RBFOX1: variants seen among roughly 807,000 people sequenced by gnomAD.
RBFOX1 encodes RNA binding protein fox-1 homolog 1.
In RBFOX1, 8 loss-of-function variants were observed where a neutral mutation model predicts 57.7. The ratio of observed to expected loss-of-function variants is 0.14; its 90% CI spans 0.08 to 0.25. RBFOX1 has a LOEUF of 0.25. Ranked by LOEUF, RBFOX1 falls within the 10% of genes least tolerant of loss-of-function variation. The pLI is 1.00. For missense variants in RBFOX1, 611 were observed against 548.5 expected, an observed-to-expected ratio of 1.11 and a Z score of -1.14; for synonymous variants, 326 against 222.4, an observed-to-expected ratio of 1.47 and a Z score of -4.15.
chr16:6,619,975 C>T (rs1156433392), intron 2 of RBFOX1, among the ~76,000 whole-genome samples: 4 of 152,120 alleles, frequency 2.6e-5, no homozygotes, highest in Admixed American at 2.0e-4. Context: ...TTTTCTGTTC[C>T]TGCGTTAGTT....
chr16:6,539,016 C>T (rs1334188081), intron 2 of RBFOX1, among the ~76,000 whole-genome samples: 1 of 151,862 alleles, frequency 6.6e-6, no homozygotes, highest in Admixed American at 6.6e-5. Flanking sequence ...TTTTTACTGT[C>T]TCATGTGGAG....
chr16:6,036,878 G>A (rs1453890293), intron 1 of RBFOX1, among the ~76,000 whole-genome samples: 1 of 152,252 alleles, frequency 6.6e-6, no homozygotes, highest in Non-Finnish European at 1.5e-5. Context: ...AAAAGTAAGA[G>A]CCCATCTTTT....
chr16:5,681,211 T>A (rs1480149781), intron 3 of RBFOX1, among the ~76,000 whole-genome samples: 1 of 150,766 alleles, frequency 6.6e-6, no homozygotes, highest in African/African-American at 2.4e-5. Context: ...GTAGCTGGGA[T>A]CACAGGTGCC....
intron 4 of RBFOX1, among the ~76,000 whole-genome samples, chr16:7,053,471 A>G (rs868654805): frequency 2.6e-5 from 4 of 152,234 alleles, no homozygotes; most frequent in Non-Finnish European, 4.4e-5. Flanking sequence ...TGCTGTTTGG[A>G]TGGGGACGAT....
chr16:5,948,768 T>C (rs2059456753), intron 4 of RBFOX1, among the ~76,000 whole-genome samples: 1 of 152,140 alleles, frequency 6.6e-6, no homozygotes, highest in African/African-American at 2.4e-5. Flanking sequence ...TCCAGAAGGG[T>C]GAGAGAATAA....
intron 2 of RBFOX1, among the ~76,000 whole-genome samples, chr16:5,512,446 C>G (rs909468332): frequency 2.1e-5 from 3 of 141,066 alleles, no homozygotes; most frequent in Non-Finnish European, 3.0e-5. Flanking sequence ...CTCTCTCTCT[C>G]TTCTTTCATT....
chr16:6,797,332 G>C (rs760490713), intron 3 of RBFOX1, among the ~76,000 whole-genome samples: 32 of 152,094 alleles, frequency 2.1e-4, no homozygotes, highest in African/African-American at 7.5e-4. Flanking sequence ...AATGAATGTG[G>C]GCAAAGGTGA....
At chr16:6,194,896 A>G (rs1168920509) in intron 1 of RBFOX1, among the ~76,000 whole-genome samples, 1 of 152,210 alleles carries the variant, frequency 6.6e-6, no homozygotes, top group East Asian at 1.9e-4. Context: ...CTGAGTGACT[A>G]CTAGAATGAA....
intron 4 of RBFOX1, among the ~76,000 whole-genome samples, chr16:7,298,567 C>T (rs2095955550): frequency 1.3e-5 from 2 of 152,140 alleles, no homozygotes; most frequent in Non-Finnish European, 2.9e-5. Context: ...GCCGGGATTA[C>T]AGGCATGAGC....
At chr16:7,705,783 G>C (rs928729062) in intron 14 of RBFOX1, among the ~76,000 whole-genome samples, 3 of 152,188 alleles carry the variant, frequency 2.0e-5, no homozygotes, top group African/African-American at 7.2e-5. Context: ...TGGCTGTTGA[G>C]TTGGTGTTGA....
chr16:6,812,380 T>G (rs1426391309), intron 3 of RBFOX1, among the ~76,000 whole-genome samples: 1 of 151,486 alleles, frequency 6.6e-6, no homozygotes, highest in African/African-American at 2.4e-5. Context: ...TTCTTATTTT[T>G]TATTTTTTTT....
rs112211815 is a variant in RBFOX1, at chr16:7,591,106, G to A, written c.468+3806G>A. 2.0e-5 allele frequency among the ~76,000 whole-genome samples: 3 copies of A among 152,114 alleles called. No individual in the cohort carries two copies. In the South Asian group the frequency reaches 6.2e-4, roughly 32 times the overall value. On this transcript the variant is annotated intron_variant, in intron 7 of 15. Coordinates refer to ENST00000550418, the MANE Select transcript of RBFOX1 (RefSeq NM_018723.4). ...ACAGGCAGGCTGATATTGTGAGAAG[G>A]CTTCTGGAAAGAAGGAACATTTAAG...
chr16:5,614,906 A>T (rs985152165), intron 3 of RBFOX1, among the ~76,000 whole-genome samples: 1 of 152,172 alleles, frequency 6.6e-6, no homozygotes, highest in Non-Finnish European at 1.5e-5. Flanking sequence ...GAACACAGGG[A>T]GGGTGGGGGT....
intron 3 of RBFOX1, among the ~76,000 whole-genome samples, chr16:7,005,496 G>T (rs1363881748): frequency 6.6e-6 from 1 of 152,170 alleles, no homozygotes; most frequent in East Asian, 1.9e-4. Flanking sequence ...CCCAGTAATG[G>T]CAGGTGAACG....
At chr16:7,508,437 C>G (rs965569708) in intron 4 of RBFOX1, among the ~76,000 whole-genome samples, 1 of 152,208 alleles carries the variant, frequency 6.6e-6, no homozygotes, top group South Asian at 2.1e-4. Context: ...ATGGTTTGTG[C>G]GAATGGCTGC....
At chr16:6,425,279 A>C (rs1317145383) in intron 2 of RBFOX1, among the ~76,000 whole-genome samples, 4 of 152,180 alleles carry the variant, frequency 2.6e-5, no homozygotes, top group African/African-American at 9.7e-5. Flanking sequence ...GGAGGGTAAC[A>C]TTGGGCTCTC....
chr16:7,098,423 G>C (rs1001637986), intron 4 of RBFOX1, among the ~76,000 whole-genome samples: 1 of 152,150 alleles, frequency 6.6e-6, no homozygotes, highest in Admixed American at 6.5e-5. Context: ...ACCTGCCTAG[G>C]CCTCCCAAAG....
At chr16:5,585,087 C>T (rs1188427185) in intron 2 of RBFOX1, among the ~76,000 whole-genome samples, 9 of 152,068 alleles carry the variant, frequency 5.9e-5, no homozygotes, top group Admixed American at 3.9e-4. Context: ...CAGTGTTGTA[C>T]AGCCGTCACC....
chr16:6,755,141 T>C (rs995343977), intron 3 of RBFOX1, among the ~76,000 whole-genome samples: 1 of 152,182 alleles, frequency 6.6e-6, no homozygotes, highest in Admixed American at 6.5e-5. Context: ...TCTTTGCTAT[T>C]GGGGATAGTG....
Sources: allele counts gnomAD v4.1 joint callset (sites outside exome capture counted in the v4.1 genomes callset), GRCh38; gene constraint gnomAD v4.1.1; transcripts MANE v1.5; gene names NCBI Gene and HGNC (gene_info 2026-07-23, HGNC 2026-07-21).